KYNU: variants seen among roughly 807,000 people sequenced by gnomAD.
KYNU encodes the protein kynureninase, also known as L-kynurenine hydrolase.
Under a neutral mutation model 59.2 loss-of-function variants are expected in KYNU, and 54 were observed. The observed-to-expected ratio is 0.91, with a 90% CI of 0.73 to 1.14. The LOEUF is 1.14. Ranked by LOEUF, KYNU falls within the 50% of genes most tolerant of loss-of-function variation. The probability of loss-of-function intolerance (pLI) is 0.00; values close to 1 mark genes in which losing one functional copy is unlikely to be tolerated. For missense variants in KYNU, 567 were observed against 554.4 expected (o/e 1.02, Z -0.23); for synonymous variants, 177 against 192.0 (o/e 0.92, Z 0.65).
intron 2 of KYNU, among the ~76,000 whole-genome samples, chr2:142,890,986 C>T (rs956841581): frequency 2.0e-5 from 3 of 151,678 alleles, no homozygotes; most frequent in African/African-American, 7.3e-5. Context: ...TTTTTTTTCT[C>T]TTAAGGATAT....
At chr2:142,984,472 T>C (rs1685141918) in intron 8 of KYNU, among the ~76,000 whole-genome samples, 1 of 152,030 alleles carries the variant, frequency 6.6e-6, no homozygotes, top group Non-Finnish European at 1.5e-5. Context: ...ATGTGAATCG[T>C]CATTGTTTGT....
rs767925699 is a variant in KYNU, at chr2:142,954,813, C to T, written c.377C>T (p.Ala126Val). Residue 126 changes from alanine to valine, a missense_variant, in exon 5 of 14, where the codon GCC (alanine) becomes GTC (valine). By Grantham distance (64) the Ala-to-Val change is moderately conservative (BLOSUM62 0). Transcript: ENST00000264170. ...TTACGATATGTTTATTTTACAGGAG[C>T]CAATGAGAAAGAAATAGCCCTAATG... ...IVGLMKDIVG[A>V]NEKEIALMNA... 3 of 1,592,792 alleles carry T rather than the reference C, an allele frequency of 1.9e-6. No individual in the cohort carries two copies. Among genetic ancestry groups the T allele is most frequent in the Non-Finnish European group, 2.6e-6 (3 of 1,161,050 alleles).
intron 4 of KYNU, among the ~76,000 whole-genome samples, chr2:142,942,265 C>CAT (rs1683629373): frequency 6.6e-6 from 1 of 151,912 alleles, no homozygotes; most frequent in African/African-American, 2.4e-5. Context: ...TTGCAAACCC[C>CAT]ATGCAGCTTC....
intron 8 of KYNU, among the ~76,000 whole-genome samples, chr2:142,980,104 T>C (rs1432201182): frequency 6.6e-6 from 1 of 151,428 alleles, no homozygotes; most frequent in East Asian, 1.9e-4. Flanking sequence ...CTCCCCTTTT[T>C]AGACCATATA....
chr2:142,925,041 A>G (rs1051834451), intron 3 of KYNU, among the ~76,000 whole-genome samples: 1 of 152,220 alleles, frequency 6.6e-6, no homozygotes. Context: ...GGTGTCTACC[A>G]GAGTAAGGAG....
rs1200051271 is a variant in KYNU, at chr2:143,051,416, AT to A, written c.*9250del. On this transcript the variant is annotated 3_prime_UTR_variant, in exon 14 of 14. Coordinates refer to ENST00000264170, the MANE Select transcript of KYNU (RefSeq NM_003937.3). The stretch of plus-strand genomic sequence containing the variant: ...TAATTGAGCTGATCATGTTTCTAGG[AT>A]TTTTTAGTTAAAAGAAAATACATAT... 1 of 152,044 alleles carries A rather than the reference AT, an allele frequency of 6.6e-6. No individual in the cohort carries two copies. The highest frequency in any genetic ancestry group is 1.5e-5 in the Non-Finnish European group (1 of 68,008). The allele number at this position is 152,044 out of a possible 1,614,324, so 9.4% of individuals were successfully genotyped here.
intron 10 of KYNU, among the ~76,000 whole-genome samples, chr2:142,992,332 A>G (rs1685418953): frequency 6.6e-6 from 1 of 151,828 alleles, no homozygotes; most frequent in Non-Finnish European, 1.5e-5. Context: ...TGAGAAAGTT[A>G]AGTATACTAT....
chr2:142,920,841 G>A (rs1682855752), intron 3 of KYNU, among the ~76,000 whole-genome samples: 1 of 152,178 alleles, frequency 6.6e-6, no homozygotes, highest in African/African-American at 2.4e-5. Flanking sequence ...TGTCTGTGGT[G>A]TTTGGGATGC....
chr2:142,908,191 T>A (rs1163749883), intron 2 of KYNU, among the ~76,000 whole-genome samples: 1 of 152,186 alleles, frequency 6.6e-6, no homozygotes, highest in African/African-American at 2.4e-5. Flanking sequence ...TGTAGCTTTT[T>A]AATTTTATTA....
intron 3 of KYNU, among the ~76,000 whole-genome samples, chr2:142,923,014 G>A (rs1682934004): frequency 6.6e-6 from 1 of 152,142 alleles, no homozygotes; most frequent in Admixed American, 6.5e-5. Context: ...GGCAGAAGAG[G>A]CAAACACCTG....
intron 2 of KYNU, among the ~76,000 whole-genome samples, chr2:142,907,168 G>T (rs1276707106): frequency 6.6e-6 from 1 of 152,126 alleles, no homozygotes; most frequent in African/African-American, 2.4e-5. Flanking sequence ...AGATGATGGT[G>T]GGCTGCTCCC....
chr2:142,992,219 A>G (rs1306720554), intron 10 of KYNU, among the ~76,000 whole-genome samples: 1 of 151,910 alleles, frequency 6.6e-6, no homozygotes, highest in East Asian at 1.9e-4. Flanking sequence ...AGTAGAGGAC[A>G]TTTGACAATG....
At chr2:142,990,742 A>G (rs1348187629) in intron 10 of KYNU, among the ~76,000 whole-genome samples, 2 of 151,876 alleles carry the variant, frequency 1.3e-5, no homozygotes, top group Non-Finnish European at 1.5e-5. Flanking sequence ...AATGGGCAAG[A>G]ATGGGGCCGA....
At chr2:142,902,204 CT>C (rs199702945) in intron 2 of KYNU, among the ~76,000 whole-genome samples, 1 of 152,308 alleles carries the variant, frequency 6.6e-6, no homozygotes, top group East Asian at 1.9e-4. Context: ...GATGCCAACC[CT>C]TTGCCACTAC....
Position 143,047,236 on chromosome 2 carries a change from T to G in KYNU, c.*5064T>G, listed in dbSNP as rs1008232385. The stretch of plus-strand genomic sequence containing the variant: ...TGTGCCACAATGCCTGGCTCATTTT[T>G]AAGTGTTAAGTTAAAAAAAGTTGTA... On this transcript the variant is annotated 3_prime_UTR_variant, in exon 14 of 14. Transcript: ENST00000264170. The G allele has an allele frequency of 6.6e-6, 1 of 152,096 alleles. No individual in the cohort carries two copies. Among genetic ancestry groups the G allele is most frequent in the East Asian group, 1.9e-4 (1 of 5,188 alleles). The allele number at this position is 152,096 out of a possible 1,614,324, so 9.4% of individuals were successfully genotyped here. A position where few individuals can be genotyped will look rare whatever the true frequency, so the allele number is the denominator to read the frequency against.
chr2:142,951,374 T>C (rs1027524595), intron 4 of KYNU, among the ~76,000 whole-genome samples: 1 of 152,170 alleles, frequency 6.6e-6, no homozygotes, highest in African/African-American at 2.4e-5. Context: ...CTGGACATGG[T>C]AAAACCCTGT....
intron 8 of KYNU, among the ~76,000 whole-genome samples, chr2:142,979,742 G>C (rs539516922): frequency 6.6e-6 from 1 of 151,956 alleles, no homozygotes; most frequent in Non-Finnish European, 1.5e-5. Flanking sequence ...GAGCCCAGGA[G>C]TTCAAGACCA....
intron 2 of KYNU, among the ~76,000 whole-genome samples, chr2:142,908,146 G>T (rs577754457): frequency 1.3e-5 from 2 of 152,120 alleles, no homozygotes; most frequent in Non-Finnish European, 2.9e-5. Flanking sequence ...TTTAGCCTTT[G>T]GGGGAACTGG....
chr2:142,955,476 C>CA (rs1684132039), intron 5 of KYNU, among the ~76,000 whole-genome samples: 1 of 151,988 alleles, frequency 6.6e-6, no homozygotes. Context: ...GTTTTGGAAA[C>CA]ATGTCTACAA....
Sources: gnomAD v4.1 joint callset for allele counts (sites outside exome capture counted in the v4.1 genomes callset) on GRCh38, gnomAD v4.1.1 for gene constraint, MANE v1.5 for transcripts, NCBI Gene and HGNC (gene_info 2026-07-23, HGNC 2026-07-21) for gene names.